The following OR5B2 variants were observed in gnomAD, a reference collection of about 807,000 sequenced individuals.
The protein encoded by OR5B2 is olfactory receptor family 5 subfamily B member 2, also known as olfactory receptor 5B2.
For synonymous variants in OR5B2, 163 were observed against 140.8 expected, an observed-to-expected ratio of 1.16 and a Z score of -1.11; for missense variants, 411 against 367.0, an observed-to-expected ratio of 1.12 and a Z score of -0.98.
At position 58,422,614 on chromosome 11, in the gene OR5B2, G is replaced by A; in HGVS notation, c.648C>T (p.Tyr216=). 6.2e-7 allele frequency: 1 copy of A among 1,613,698 alleles called. No individual in the cohort carries two copies. The highest frequency in any genetic ancestry group is 8.5e-7 in the Non-Finnish European group (1 of 1,179,796). The change falls in exon 3 of 3, where the codon TAC becomes TAT. Residue 216 remains tyrosine (Y), a synonymous_variant. Coordinates refer to ENST00000641342, the MANE Select transcript of OR5B2 (RefSeq NM_001005566.3). The part of the protein sequence containing the change: ...FFVLLVIFIS[Y]LFIFITILKM... ...TCAAGATGGTGATGAATATGAACAA[G>A]TAGGAGATAAAGATAACTAGAAGAA...
At chr11:58,425,537 G>A (rs898813691) in intron 2 of OR5B2, among the ~76,000 whole-genome samples, 9 of 151,760 alleles carry the variant, frequency 5.9e-5, no homozygotes, top group Non-Finnish European at 1.3e-4. Context: ...GTCTAAAATT[G>A]GAAATTCGGT....
chr11:58,425,177 G>T (rs1855323217), intron 2 of OR5B2, among the ~76,000 whole-genome samples: 1 of 151,976 alleles, frequency 6.6e-6, no homozygotes. Flanking sequence ...TCACACTTCT[G>T]TTATTTTTGT....
At chr11:58,426,000 G>A (rs1855332441) in intron 2 of OR5B2, among the ~76,000 whole-genome samples, 2 of 152,076 alleles carry the variant, frequency 1.3e-5, no homozygotes, top group African/African-American at 4.8e-5. Context: ...CAGTAACACA[G>A]AACCATGTAT....
At position 58,422,161 on chromosome 11, in the gene OR5B2, A is replaced by C; in HGVS notation, c.*171T>G. 2.0e-6 allele frequency: 1 copy of C among 496,070 alleles called. No individual in the cohort carries two copies. The highest frequency in any genetic ancestry group is 3.5e-6 in the Non-Finnish European group (1 of 282,004). 30.7% of individuals were successfully genotyped at this position (496,070 alleles called of 1,614,324 possible). A position where few individuals can be genotyped will look rare whatever the true frequency, so the allele number is the denominator to read the frequency against. The stretch of plus-strand genomic sequence containing the variant: ...TTAGCCTTCCTCATTCAGGTATTAC[A>C]TTTCTGATAATATTTTATTTTTATT... On this transcript the variant is annotated 3_prime_UTR_variant, in exon 3 of 3. Coordinates refer to ENST00000641342, the MANE Select transcript of OR5B2 (RefSeq NM_001005566.3).
chr11:58,424,611 CAGATCTGT>C, intron 2 of OR5B2, among the ~76,000 whole-genome samples: 1 of 152,106 alleles, frequency 6.6e-6, no homozygotes, highest in South Asian at 2.1e-4. Context: ...CTTTAGTCTG[CAGATCTGT>C]TTTGGTGGCA....
At chr11:58,425,080 A>C (rs1047758522) in intron 2 of OR5B2, among the ~76,000 whole-genome samples, 2 of 152,126 alleles carry the variant, frequency 1.3e-5, no homozygotes, top group African/African-American at 2.4e-5. Context: ...AGTCATAATA[A>C]GGATGAGATT....
intron 2 of OR5B2, 46 bp from the exon 3 acceptor site, chr11:58,423,335 A>G: frequency 1.1e-6 from 1 of 892,706 alleles, no homozygotes; most frequent in Non-Finnish European, 1.7e-6. Context: ...ACAAAAAAAG[A>G]GATTTAGAAA....
intron 2 of OR5B2, among the ~76,000 whole-genome samples, chr11:58,423,770 G>T (rs17474373): frequency 1.2e-4 from 19 of 152,044 alleles, no homozygotes; most frequent in Non-Finnish European, 2.6e-4. Flanking sequence ...GTACACAAGT[G>T]TTAATAGTCA....
intron 1 of OR5B2, among the ~76,000 whole-genome samples, 186 bp from the exon 2 acceptor site, chr11:58,426,862 G>T (rs1278033655): frequency 6.6e-6 from 1 of 152,114 alleles, no homozygotes; most frequent in Non-Finnish European, 1.5e-5. Flanking sequence ...GTCTCTGAAT[G>T]CACTCTGTAA....
chr11:58,422,808 G>A lies in OR5B2; in HGVS notation c.454C>T (p.Leu152=), dbSNP rs1390859931. 4 of 1,613,668 alleles carry A rather than the reference G, an allele frequency of 2.5e-6. No individual in the cohort carries two copies. The highest frequency in any genetic ancestry group is 1.7e-5 in the Admixed American group (1 of 59,886). Residue 152 remains leucine, a synonymous_variant, in exon 3 of 3, where the codon CTA becomes TTA. Transcript: ENST00000641342. ...LALGSYVCGF[L]NASFHIGGIF... Reference sequence around the variant, plus strand: ...CCCCCAATGTGGAATGAGGCATTTAGGAAGCCACAGACATATGAGCCTAGG... The same window carrying A: ...CCCCCAATGTGGAATGAGGCATTTAAGAAGCCACAGACATATGAGCCTAGG...
At chr11:58,425,149 G>T (rs1855323026) in intron 2 of OR5B2, among the ~76,000 whole-genome samples, 1 of 152,056 alleles carries the variant, frequency 6.6e-6, no homozygotes, top group East Asian at 1.9e-4. Flanking sequence ...TCCTTTTGTA[G>T]TTTGAAGAGC....
In OR5B2 at chr11:58,422,269, G is replaced by A. The variant is rs924986376; in HGVS notation, c.*63C>T. On this transcript the variant is annotated 3_prime_UTR_variant, in exon 3 of 3. Transcript: ENST00000641342. ...GGGTTTCAAATGTAACTCATTGCATGAGGAAAGTCTGAGATGAGGGAAACA... is the reference window on the plus strand; with the variant it reads ...GGGTTTCAAATGTAACTCATTGCATAAGGAAAGTCTGAGATGAGGGAAACA... 3 of 990,828 alleles carry A rather than the reference G, an allele frequency of 3.0e-6. No homozygotes were observed. Among genetic ancestry groups the A allele is most frequent in the African/African-American group, 3.2e-5 (2 of 62,442 alleles). The allele number at this position is 990,828 out of a possible 1,614,324, so 61.4% of individuals were successfully genotyped here.
Position 58,423,027 on chromosome 11 carries a change from C to A in OR5B2, c.235G>T (p.Val79Phe). Residue 79 changes from valine (V) to phenylalanine (F), a missense_variant, in exon 3 of 3, where the codon GTC (valine) becomes TTC (phenylalanine). By Grantham distance (50) the Val-to-Phe change is conservative. Transcript: ENST00000641342. ...TCTCCTCTAAGGAACCCAGCCATGA[C>A]CTTGGGAGTGACAGCTGAGGAGTAT... ...FGYSSAVTPK[V>F]MAGFLRGDKV... is the part of the protein sequence containing the mutation. The A allele has an allele frequency of 6.2e-7, 1 of 1,613,718 alleles. No homozygotes were observed. Among genetic ancestry groups the A allele is most frequent in the Non-Finnish European group, 8.5e-7 (1 of 1,179,792 alleles).
rs1026323009 is a variant in OR5B2 at position 58,421,861 on chromosome 11, A to G, written c.*471T>C. 1 of 152,756 alleles carries G rather than the reference A, an allele frequency of 6.5e-6. No individual in the cohort carries two copies. The highest frequency in any genetic ancestry group is 2.4e-5 in the African/African-American group (1 of 41,448). The allele number at this position is 152,756 out of a possible 1,614,324, so 9.5% of individuals were successfully genotyped here. ...AAACTGTTCTTAAAGTCTATTCAAA[A>G]ATAAATTTATACTATAATACTAAAT... On this transcript the variant is annotated 3_prime_UTR_variant, in exon 3 of 3. Transcript: ENST00000641342.
intron 2 of OR5B2, among the ~76,000 whole-genome samples, chr11:58,424,014 A>C (rs1855312148): frequency 6.6e-6 from 1 of 152,180 alleles, no homozygotes; most frequent in Non-Finnish European, 1.5e-5. Flanking sequence ...AGGCAGCATC[A>C]GATATAGAGT....
rs1294669519 is a variant in OR5B2, at chr11:58,422,273, A to G, written c.*59T>C. ...TTCAAATGTAACTCATTGCATGAGG[A>G]AAGTCTGAGATGAGGGAAACAACAT... On this transcript the variant is annotated 3_prime_UTR_variant, in exon 3 of 3. Transcript: ENST00000641342. 2 of 1,033,394 alleles carry G rather than the reference A, an allele frequency of 1.9e-6. No individual in the cohort carries two copies. The highest frequency in any genetic ancestry group is 2.9e-6 in the Non-Finnish European group (2 of 681,760). 64.0% of individuals were successfully genotyped at this position (1,033,394 alleles called of 1,614,324 possible). A position where few individuals can be genotyped will look rare whatever the true frequency, so the allele number is the denominator to read the frequency against.
At chr11:58,424,723 T>C (rs1855318232) in intron 2 of OR5B2, among the ~76,000 whole-genome samples, 1 of 152,142 alleles carries the variant, frequency 6.6e-6, no homozygotes, top group Admixed American at 6.6e-5. Context: ...CTACTATTCA[T>C]CTGCTAACTA....
rs1855294063 is a variant in OR5B2, at chr11:58,422,852, C to A, written c.410G>T (p.Ser137Ile). 1.2e-5 allele frequency: 19 copies of A among 1,613,726 alleles called. No individual in the cohort carries two copies. Among genetic ancestry groups the A allele is most frequent in the Non-Finnish European group, 1.6e-5 (19 of 1,179,812 alleles). ...GCCTAGGGCCAGACAGGCACCTACA[C>A]TGGCCGTCATGGTGGTGGTGTAGTG... Reference protein sequence around the residue: ...PLHYTTTMTASVGACLALGSY... With the variant: ...PLHYTTTMTAIVGACLALGSY... Residue 137 changes from serine (S) to isoleucine (I), a missense_variant, in exon 3 of 3, where the codon AGT becomes ATT. Ser to Ile is a moderately radical substitution (Grantham distance 142, BLOSUM62 -2). Coordinates refer to ENST00000641342, the MANE Select transcript of OR5B2 (RefSeq NM_001005566.3).
At position 58,422,824 on chromosome 11, in the gene OR5B2, T is replaced by A; in HGVS notation, c.438A>T (p.Ser146=). 1 of 1,613,750 alleles carries A rather than the reference T, an allele frequency of 6.2e-7. No homozygotes were observed. Among genetic ancestry groups the A allele is most frequent in the Non-Finnish European group, 8.5e-7 (1 of 1,179,860 alleles). ...AGGCATTTAGGAAGCCACAGACATA[T>A]GAGCCTAGGGCCAGACAGGCACCTA... ...ASVGACLALG[S]YVCGFLNASF... is the part of the protein sequence containing the mutation. The change falls in exon 3 of 3, where the codon TCA becomes TCT. Residue 146 remains serine, a synonymous_variant. Transcript: ENST00000641342.
Sources: allele counts gnomAD v4.1 joint callset (sites outside exome capture counted in the v4.1 genomes callset), GRCh38; gene constraint gnomAD v4.1.1; transcripts MANE v1.5; gene names NCBI Gene and HGNC (gene_info 2026-07-23, HGNC 2026-07-21).